Variants in ADIPOR1 observed in about 807,000 individuals in gnomAD.
ADIPOR1 encodes the protein adiponectin receptor protein 1.
ADIPOR1 carries 15 observed loss-of-function variants against 37.5 expected under a neutral mutation model. The observed-to-expected ratio is 0.40, with a 90% CI of 0.27 to 0.62. The LOEUF is 0.62. Ranked by LOEUF, ADIPOR1 falls within the 20% of genes least tolerant of loss-of-function variation. The pLI is 0.42. For missense variants in ADIPOR1, 286 were observed against 478.0 expected (o/e 0.60, Z 3.75); for synonymous variants, 173 against 173.2 (o/e 1.00, Z 0.01).
chr1:202,953,105 C>A (rs1373968246), intron 1 of ADIPOR1, among the ~76,000 whole-genome samples: 1 of 152,078 alleles, frequency 6.6e-6, no homozygotes, highest in Admixed American at 6.5e-5. Context: ...CCTATGAAAA[C>A]CTCGAGGATG....
intron 2 of ADIPOR1, among the ~76,000 whole-genome samples, chr1:202,948,824 C>T (rs529911922): frequency 9.3e-5 from 14 of 150,628 alleles, no homozygotes; most frequent in Non-Finnish European, 1.8e-4. Context: ...TGGAATATCC[C>T]TCTGTCACCC....
At chr1:202,948,756 A>G (rs1444711304) in intron 2 of ADIPOR1, among the ~76,000 whole-genome samples, 1 of 151,480 alleles carries the variant, frequency 6.6e-6, no homozygotes, top group African/African-American at 2.4e-5. Context: ...TCAGTTTCCC[A>G]AAGAGTTCTC....
intron 7 of ADIPOR1, among the ~76,000 whole-genome samples, 161 bp downstream of exon 7, chr1:202,941,864 G>A (rs900192065): frequency 6.6e-5 from 10 of 152,202 alleles, no homozygotes; most frequent in African/African-American, 2.4e-4. Context: ...GTCCTTGTCA[G>A]AGATACACCA....
chr1:202,957,603 G>C (rs1654832472), intron 1 of ADIPOR1, among the ~76,000 whole-genome samples: 1 of 151,692 alleles, frequency 6.6e-6, no homozygotes, highest in South Asian at 2.1e-4. Context: ...CTTCGATTCT[G>C]CCCCGCATTT....
At chr1:202,950,226 G>A (rs1378316945) in intron 2 of ADIPOR1, among the ~76,000 whole-genome samples, 1 of 149,796 alleles carries the variant, frequency 6.7e-6, no homozygotes, top group Admixed American at 6.6e-5. Context: ...GCCTCTCAAA[G>A]TGTTGGGATT....
intron 4 of ADIPOR1, 41 bp downstream of exon 4, chr1:202,946,398 G>T: frequency 6.2e-7 from 1 of 1,611,608 alleles, no homozygotes; most frequent in Non-Finnish European, 8.5e-7. Context: ...TCGCAGTTAG[G>T]GAGACAACAA....
chr1:202,941,999 G>T (rs1461478562), intron 7 of ADIPOR1, 26 bp downstream of exon 7: 6 of 1,594,614 alleles, frequency 3.8e-6, no homozygotes, highest in South Asian at 1.1e-5. Context: ...ACCATCACAG[G>T]ACCTGCTGGA....
At chr1:202,943,644 A>G (rs781168088) in intron 6 of ADIPOR1, 114 bp downstream of exon 6, 633 of 1,202,518 alleles carry the variant, frequency 5.3e-4, no homozygotes, top group Admixed American at 1.1e-3. Context: ...CTGAAACACA[A>G]ATCAGGGTTT....
chr1:202,942,523 T>C (rs909010424), intron 6 of ADIPOR1, among the ~76,000 whole-genome samples: 3 of 152,194 alleles, frequency 2.0e-5, no homozygotes, highest in African/African-American at 4.8e-5. Flanking sequence ...GATGGCTAAC[T>C]TGGGTACAGA....
rs959682948 is a variant in ADIPOR1 at position 202,948,376 on chromosome 1, C to A, written c.186G>T (p.Glu62Asp). The A allele has an allele frequency of 6.2e-7, 1 of 1,613,902 alleles. No individual in the cohort carries two copies. The highest frequency in any genetic ancestry group is 8.5e-7 in the Non-Finnish European group (1 of 1,179,980). Residue 62 changes from glutamate to aspartate, a missense_variant, in exon 3 of 8, where the codon GAG (glutamate) becomes GAT (aspartate). Coordinates refer to ENST00000340990, the MANE Select transcript of ADIPOR1 (RefSeq NM_015999.6). ...QTCPVPQEEE[E>D]EVRVLTLPLQ... ...GGGGAAGTGTCAGTACCCGCACCTC[C>A]TCCTCTTCTTCCTGGGGCACTGGGC...
At chr1:202,943,289 T>C (rs1288408954) in intron 6 of ADIPOR1, among the ~76,000 whole-genome samples, 1 of 152,226 alleles carries the variant, frequency 6.6e-6, no homozygotes, top group Non-Finnish European at 1.5e-5. Flanking sequence ...AGAGTCCAGA[T>C]GAGATGAGAC....
At chr1:202,952,299 A>G (rs1043026207) in intron 1 of ADIPOR1, among the ~76,000 whole-genome samples, 1 of 152,168 alleles carries the variant, frequency 6.6e-6, no homozygotes, top group Non-Finnish European at 1.5e-5. Context: ...CAATGCAGGG[A>G]GGGCCAGGTA....
intron 3 of ADIPOR1, among the ~76,000 whole-genome samples, chr1:202,946,884 G>A (rs944235840): frequency 3.3e-5 from 5 of 151,932 alleles, no homozygotes; most frequent in African/African-American, 1.2e-4. Flanking sequence ...GGAGGCTGAG[G>A]CAGGTGGATC....
rs558183265 is a variant in ADIPOR1, at chr1:202,947,293, G to A, written c.259-683C>T. Among the ~76,000 whole-genome samples, 705 of 151,706 alleles carry A rather than the reference G, an allele frequency of 4.6e-3. 7 individuals are homozygous for A. The highest frequency in any genetic ancestry group is 3.7e-3 in the Non-Finnish European group (248 of 67,872). ...TCCCAGCACTTTGGGAGGCTGAGGC[G>A]GGCGGATCACCTGAGGTTGGGAGTT... On this transcript the variant is annotated intron_variant, in intron 3 of 7. Coordinates refer to ENST00000340990, the MANE Select transcript of ADIPOR1 (RefSeq NM_015999.6).
chr1:202,949,337 T>C (rs1459474285), intron 2 of ADIPOR1, among the ~76,000 whole-genome samples: 1 of 150,614 alleles, frequency 6.6e-6, no homozygotes, highest in East Asian at 2.0e-4. Context: ...TCCCAGCACT[T>C]TGGGAGGCCG....
Position 202,950,925 on chromosome 1 carries a change from C to G in ADIPOR1, c.141+5G>C. 1 of 1,614,132 alleles carries G rather than the reference C, an allele frequency of 6.2e-7. No individual in the cohort carries two copies. The highest frequency in any genetic ancestry group is 1.1e-5 in the South Asian group (1 of 91,086). ...AAGGGGATGACTCCTGGGAAGATGA[C>G]TTACTTTGGGTGGGTTGGCGATTAC... On this transcript the variant is annotated splice_donor_5th_base_variant and intron_variant, in intron 2 of 7. Transcript: ENST00000340990.
intron 1 of ADIPOR1, among the ~76,000 whole-genome samples, chr1:202,955,861 C>T (rs1173060780): frequency 1.3e-5 from 2 of 152,188 alleles, no homozygotes; most frequent in Non-Finnish European, 2.9e-5. Context: ...CTGCAACCTC[C>T]GCCTTCCAGG....
chr1:202,946,049 G>A (rs1231532449), intron 4 of ADIPOR1, among the ~76,000 whole-genome samples: 2 of 141,270 alleles, frequency 1.4e-5, no homozygotes, highest in African/African-American at 5.5e-5. Context: ...AGAAAGCTAT[G>A]AGGTTTAGCT....
At position 202,942,028 on chromosome 1, in the gene ADIPOR1, T is replaced by C; in HGVS notation, c.996A>G (p.Ile332Met). Residue 332 changes from isoleucine to methionine, a missense_variant, in exon 7 of 8, where the codon ATA becomes ATG. Physicochemically the swap from Ile to Met is conservative, Grantham distance 10. Coordinates refer to ENST00000340990, the MANE Select transcript of ADIPOR1 (RefSeq NM_015999.6). ...TGCTGGAAGATTCATTTCTTACCCA[T>C]ATGTCAAATTTTCCAGGAAAGAAGC... ...PERFFPGKFD[I>M]WFQSHQIFHV... 1.9e-6 allele frequency: 3 copies of C among 1,611,000 alleles called. No homozygotes were observed. The highest frequency in any genetic ancestry group is 2.5e-6 in the Non-Finnish European group (3 of 1,178,106).
Sources: gnomAD v4.1 joint callset for allele counts (sites outside exome capture counted in the v4.1 genomes callset) on GRCh38, gnomAD v4.1.1 for gene constraint, MANE v1.5 for transcripts, NCBI Gene and HGNC (gene_info 2026-07-23, HGNC 2026-07-21) for gene names.